Variants in ZNF143 observed in about 807,000 individuals in gnomAD.
The protein encoded by ZNF143 is SPH-binding factor.
In ZNF143, 49 loss-of-function variants were observed where a neutral mutation model predicts 74.1. The ratio of observed to expected loss-of-function variants is 0.66; its 90% CI spans 0.53 to 0.84. ZNF143 has a LOEUF of 0.84. ZNF143 is among the 40% of genes least tolerant of loss of function. ZNF143 has a pLI of 0.00. For missense variants in ZNF143, 637 were observed against 793.4 expected (o/e 0.80, Z 2.37); for synonymous variants, 304 against 282.8 (o/e 1.07, Z -0.75).
At chr11:9,480,461 A>T (rs1366212550) in intron 7 of ZNF143, among the ~76,000 whole-genome samples, 1 of 152,122 alleles carries the variant, frequency 6.6e-6, no homozygotes, top group Non-Finnish European at 1.5e-5. Flanking sequence ...TCAGGGTCAC[A>T]TTTATAACCT....
chr11:9,496,204 A>G (rs1847951992), intron 8 of ZNF143, 99 bp from the exon 9 acceptor site: 2 of 1,025,070 alleles, frequency 2.0e-6, no homozygotes, highest in Non-Finnish European at 3.0e-6. Context: ...GCATACAACA[A>G]AATCATTTAG....
chr11:9,484,815 T>TTTTTTTTTTTTTTTTTTA (rs59421396), intron 7 of ZNF143, among the ~76,000 whole-genome samples: 2 of 136,350 alleles, frequency 1.5e-5, no homozygotes, highest in Admixed American at 7.4e-5. Context: ...TTTTTTTTTT[T>TTTTTTTTTTTTTTTTTTA]GAGACGGAGT....
At chr11:9,483,983 C>T (rs956460225) in intron 7 of ZNF143, among the ~76,000 whole-genome samples, 3 of 150,332 alleles carry the variant, frequency 2.0e-5, no homozygotes, top group Non-Finnish European at 3.0e-5. Context: ...CTCTTGACCT[C>T]GTGATCCGCC....
chr11:9,503,951 CTTTTTTTTTTTT>C (rs35371465), intron 11 of ZNF143, among the ~76,000 whole-genome samples: 2 of 53,090 alleles, frequency 3.8e-5, no homozygotes, highest in Non-Finnish European at 8.2e-5. Context: ...CACGCCTTGC[CTTTTTTTTTTTT>C]TTTTTTTTTT....
intron 5 of ZNF143, among the ~76,000 whole-genome samples, chr11:9,476,400 G>C (rs984256873): frequency 5.3e-5 from 8 of 151,996 alleles, no homozygotes; most frequent in Non-Finnish European, 8.8e-5. Context: ...TTTTGAGACA[G>C]TCTCGCTCTG....
intron 13 of ZNF143, among the ~76,000 whole-genome samples, chr11:9,513,770 G>A (rs971504442): frequency 5.3e-5 from 8 of 152,108 alleles, no homozygotes; most frequent in East Asian, 1.9e-4. Context: ...TGGCGCTCTC[G>A]TGTAGTTCCA....
chr11:9,521,550 T>C (rs4910053), intron 14 of ZNF143, among the ~76,000 whole-genome samples: 54,372 of 151,560 alleles, frequency 0.36, 10,556 homozygotes, highest in Non-Finnish European at 0.44. Flanking sequence ...CAGAGTTTTC[T>C]TTTTGCGGAG....
intron 1 of ZNF143, among the ~76,000 whole-genome samples, chr11:9,468,672 C>T (rs1856388837): frequency 6.6e-6 from 1 of 152,184 alleles, no homozygotes; most frequent in Non-Finnish European, 1.5e-5. Flanking sequence ...AACATGCTTA[C>T]ACTCTGGCTA....
At chr11:9,518,726 A>C (rs1565067260) in intron 14 of ZNF143, among the ~76,000 whole-genome samples, 1 of 152,100 alleles carries the variant, frequency 6.6e-6, no homozygotes. Context: ...TTAAAGAAAA[A>C]AAAAAAAAAG....
chr11:9,475,656 C>T (rs1209644001), intron 5 of ZNF143, among the ~76,000 whole-genome samples: 1 of 151,986 alleles, frequency 6.6e-6, no homozygotes, highest in Non-Finnish European at 1.5e-5. Context: ...TTTGGGAGGC[C>T]GATGCAGGCG....
chr11:9,501,077 C>T lies in ZNF143; in HGVS notation c.968-14C>T, dbSNP rs1192298645. Reference sequence around the variant, plus strand: ...TTTTTGCACCATTTAATGTATTACCCTTTATATTTGCAGGAGAAAGGCCCT... The same window carrying T: ...TTTTTGCACCATTTAATGTATTACCTTTTATATTTGCAGGAGAAAGGCCCT... On this transcript the variant is annotated splice_polypyrimidine_tract_variant and intron_variant, in intron 10 of 15. Transcript: ENST00000396602. The T allele has an allele frequency of 1.9e-6, 3 of 1,613,952 alleles. No homozygotes were observed. The highest frequency in any genetic ancestry group is 2.2e-5 in the East Asian group (1 of 44,888).
chr11:9,462,070 G>A (rs375230820), intron 1 of ZNF143: 2 of 152,282 alleles, frequency 1.3e-5, no homozygotes, highest in East Asian at 3.9e-4. Flanking sequence ...TTCTTGCTGA[G>A]TATGTAGATC....
chr11:9,524,302 G>T (rs7939724), intron 14 of ZNF143, among the ~76,000 whole-genome samples: 62,334 of 151,912 alleles, frequency 0.41, 13,703 homozygotes, highest in Non-Finnish European at 0.49. Flanking sequence ...CTTCCTGCTT[G>T]TCATTGCTCC....
intron 13 of ZNF143, among the ~76,000 whole-genome samples, chr11:9,514,460 C>T (rs1381609298): frequency 6.6e-6 from 1 of 152,180 alleles, no homozygotes; most frequent in Admixed American, 6.5e-5. Context: ...GTTGGAATCA[C>T]AGGAAGGGCA....
At chr11:9,498,533 T>C (rs981121310) in intron 10 of ZNF143, among the ~76,000 whole-genome samples, 7 of 152,234 alleles carry the variant, frequency 4.6e-5, no homozygotes, top group Non-Finnish European at 7.3e-5. Flanking sequence ...TTGTGATCAT[T>C]TCTCCTTCTC....
chr11:9,463,821 T>A (rs1378730122), intron 1 of ZNF143: 1 of 152,180 alleles, frequency 6.6e-6, no homozygotes, highest in Non-Finnish European at 1.5e-5. Flanking sequence ...GGTTTTATTT[T>A]TAAAATAAAA....
intron 1 of ZNF143, among the ~76,000 whole-genome samples, chr11:9,466,456 T>C (rs937287347): frequency 1.3e-5 from 2 of 151,196 alleles, no homozygotes; most frequent in East Asian, 3.9e-4. Flanking sequence ...CCACCACGCC[T>C]GGCTAATTTT....
intron 12 of ZNF143, among the ~76,000 whole-genome samples, chr11:9,512,110 T>C (rs1848571405): frequency 6.6e-6 from 1 of 152,146 alleles, no homozygotes; most frequent in South Asian, 2.1e-4. Context: ...TGAAGGGTTA[T>C]TTGCTAGTTT....
intron 13 of ZNF143, among the ~76,000 whole-genome samples, chr11:9,513,711 TGTG>T (rs1335017384): frequency 9.2e-5 from 14 of 152,108 alleles, no homozygotes; most frequent in Non-Finnish European, 1.8e-4. Flanking sequence ...GCCTGGCCAA[TGTG>T]GTGAAACCCC....
Sources: allele counts gnomAD v4.1 joint callset (sites outside exome capture counted in the v4.1 genomes callset), GRCh38; gene constraint gnomAD v4.1.1; transcripts MANE v1.5; gene names NCBI Gene and HGNC (gene_info 2026-07-23, HGNC 2026-07-21).